Variants in IKZF1 observed in about 807,000 individuals in gnomAD.
IKZF1 encodes DNA-binding protein Ikaros.
In IKZF1, 10 loss-of-function variants were observed where a neutral mutation model predicts 51.7. That is an observed-to-expected ratio of 0.19 (90% confidence interval 0.12 to 0.33). The LOEUF (loss-of-function observed/expected upper bound fraction) is 0.33, where lower values mean the gene tolerates loss of function less well. Ranked by LOEUF, IKZF1 falls within the 10% of genes least tolerant of loss-of-function variation. The pLI, the probability that IKZF1 is intolerant of heterozygous loss-of-function variation, is 1.00. For missense variants in IKZF1, 484 were observed against 707.5 expected (o/e 0.68, Z 3.58); for synonymous variants, 280 against 282.3 (o/e 0.99, Z 0.08).
chr7:50,368,567 T>A (rs988172260), intron 3 of IKZF1: 5 of 542,274 alleles, frequency 9.2e-6, no homozygotes, highest in African/African-American at 1.9e-5. Context: ...CTGTGGTGCA[T>A]CGCTGCTGGA....
intron 3 of IKZF1, among the ~76,000 whole-genome samples, chr7:50,349,001 A>G (rs1258737444): frequency 6.6e-6 from 1 of 152,224 alleles, no homozygotes; most frequent in Non-Finnish European, 1.5e-5. Context: ...TAGCATCGCC[A>G]GCCTCCTGCT....
chr7:50,338,976 G>C (rs1374243036), intron 3 of IKZF1, among the ~76,000 whole-genome samples: 1 of 152,214 alleles, frequency 6.6e-6, no homozygotes, highest in Non-Finnish European at 1.5e-5. Flanking sequence ...GAGCCACCTA[G>C]AATCAGCCAA....
intron 3 of IKZF1, among the ~76,000 whole-genome samples, chr7:50,356,409 T>C (rs1803383957): frequency 1.3e-5 from 2 of 152,174 alleles, no homozygotes; most frequent in South Asian, 4.1e-4. Context: ...AACTATGAGC[T>C]CATACTCTTC....
chr7:50,327,484 T>A (rs75827939), intron 2 of IKZF1, 154 bp from the exon 3 acceptor site: 1 of 818,420 alleles, frequency 1.2e-6, no homozygotes, highest in Non-Finnish European at 1.8e-6. Flanking sequence ...TGACTTTTTT[T>A]ATAAAAAGAA....
intron 2 of IKZF1, 93 bp downstream of exon 2, chr7:50,319,194 A>T (rs1792435056): frequency 1.0e-6 from 1 of 966,948 alleles, no homozygotes; most frequent in Non-Finnish European, 1.6e-6. Flanking sequence ...ATGGGGGAGG[A>T]ATAGGGGCTA....
chr7:50,358,520 C>T (rs907185496), intron 3 of IKZF1, among the ~76,000 whole-genome samples: 8 of 152,134 alleles, frequency 5.3e-5, no homozygotes, highest in South Asian at 2.1e-4. Context: ...ATGAGGCTGG[C>T]GTTTTCTTTG....
chr7:50,391,669 C>A (rs1169387141), intron 6 of IKZF1, 60 bp from the exon 7 acceptor site: 25 of 1,585,158 alleles, frequency 1.6e-5, no homozygotes, highest in East Asian at 2.3e-5. Flanking sequence ...TAACATTGGA[C>A]GCGACTGAAC....
chr7:50,354,802 G>A (rs1340446340), intron 3 of IKZF1, among the ~76,000 whole-genome samples: 2 of 152,090 alleles, frequency 1.3e-5, no homozygotes, highest in Non-Finnish European at 2.9e-5. Flanking sequence ...ATGGAGAGTG[G>A]TTAGTGCAGA....
intron 4 of IKZF1, among the ~76,000 whole-genome samples, chr7:50,377,731 T>G (rs898452077): frequency 3.3e-5 from 5 of 152,234 alleles, no homozygotes; most frequent in Admixed American, 2.6e-4. Flanking sequence ...GGAGGTTTCT[T>G]ATGAATTGAA....
intron 2 of IKZF1, among the ~76,000 whole-genome samples, chr7:50,324,666 A>G (rs1303387066): frequency 6.6e-6 from 1 of 152,232 alleles, no homozygotes; most frequent in Non-Finnish European, 1.5e-5. Context: ...CAGGAACTGA[A>G]GGCAGATGTA....
rs1332465385 is a variant in IKZF1 at position 50,318,785 on chromosome 7, T to C, written c.-14-263T>C. 2.0e-5 allele frequency among the ~76,000 whole-genome samples: 3 copies of C among 152,314 alleles called. No homozygotes were observed. The East Asian group carries it at 5.8e-4, about 29-fold the overall frequency. On this transcript the variant is annotated intron_variant, in intron 1 of 7. Coordinates refer to ENST00000331340, the MANE Select transcript of IKZF1 (RefSeq NM_006060.6). ...AGTCAGTTTGCATTTTGGGTTATTA[T>C]GCAGTAGGAAATTAACAATAAATAA...
chr7:50,404,452 C>G lies in IKZF1; in HGVS notation c.*3825C>G, dbSNP rs1348922848. 2 of 229,454 alleles carry G rather than the reference C, an allele frequency of 8.7e-6. No individual in the cohort carries two copies. Among genetic ancestry groups the G allele is most frequent in the Non-Finnish European group, 8.6e-6 (1 of 115,686 alleles). 14.2% of individuals were successfully genotyped at this position (229,454 alleles called of 1,614,324 possible). On this transcript the variant is annotated 3_prime_UTR_variant, in exon 8 of 8. Coordinates refer to ENST00000331340, the MANE Select transcript of IKZF1 (RefSeq NM_006060.6). ...AACGAATACTCTGTCTGCCCTATCC[C>G]GTGAAGTCCACACTGGCGTAAGAGA...
chr7:50,343,222 C>CCCCT (rs1196093046), intron 3 of IKZF1, among the ~76,000 whole-genome samples: 1 of 122,470 alleles, frequency 8.2e-6, no homozygotes, highest in Non-Finnish European at 1.7e-5. Context: ...CCCTTCCCCT[C>CCCCT]CCCTCCCTCC....
At chr7:50,326,309 A>G (rs996320167) in intron 2 of IKZF1, among the ~76,000 whole-genome samples, 23 of 152,222 alleles carry the variant, frequency 1.5e-4, no homozygotes, top group Admixed American at 1.4e-3. Flanking sequence ...ATGTGTTCAT[A>G]TCATTTTGCC....
chr7:50,313,769 A>G (rs1467534603), intron 1 of IKZF1, among the ~76,000 whole-genome samples: 2 of 152,252 alleles, frequency 1.3e-5, no homozygotes, highest in Non-Finnish European at 2.9e-5. Flanking sequence ...ACACATTTAC[A>G]TATTTAGCAA....
intron 1 of IKZF1, among the ~76,000 whole-genome samples, chr7:50,311,680 C>T (rs1375999149): frequency 6.6e-6 from 1 of 152,078 alleles, no homozygotes; most frequent in Non-Finnish European, 1.5e-5. Flanking sequence ...TGAAATGTTA[C>T]GGGTATACAA....
At position 50,404,452 on chromosome 7, in the gene IKZF1, C is replaced by T. The variant is rs1348922848; in HGVS notation, c.*3825C>T. ...AACGAATACTCTGTCTGCCCTATCC[C>T]GTGAAGTCCACACTGGCGTAAGAGA... On this transcript the variant is annotated 3_prime_UTR_variant, in exon 8 of 8. Transcript: ENST00000331340. The T allele has an allele frequency of 1.3e-5, 3 of 229,454 alleles. No homozygotes were observed. The highest frequency in any genetic ancestry group is 5.7e-5 in the Admixed American group (1 of 17,630). The allele number at this position is 229,454 out of a possible 1,614,324, so 14.2% of individuals were successfully genotyped here. A position where few individuals can be genotyped will look rare whatever the true frequency, so the allele number is the denominator to read the frequency against.
At chr7:50,396,746 G>A (rs1018637483) in intron 7 of IKZF1, among the ~76,000 whole-genome samples, 1 of 152,154 alleles carries the variant, frequency 6.6e-6, no homozygotes, top group Non-Finnish European at 1.5e-5. Flanking sequence ...GCCAAAGATG[G>A]GGTTGGAGGA....
intron 4 of IKZF1, among the ~76,000 whole-genome samples, chr7:50,381,838 AG>A (rs1351005706): frequency 6.6e-6 from 1 of 152,236 alleles, no homozygotes; most frequent in Non-Finnish European, 1.5e-5. Context: ...TTTCTTTGGA[AG>A]ATGGGAGGCT....
Sources: gnomAD v4.1 joint callset for allele counts (sites outside exome capture counted in the v4.1 genomes callset) on GRCh38, gnomAD v4.1.1 for gene constraint, MANE v1.5 for transcripts, NCBI Gene and HGNC (gene_info 2026-07-23, HGNC 2026-07-21) for gene names.